Variants in RBM6 observed in about 807,000 individuals in gnomAD.
RBM6 encodes the protein RNA-binding protein 6.
Under a neutral mutation model 140.4 loss-of-function variants are expected in RBM6, and 23 were observed. The ratio of observed to expected loss-of-function variants is 0.16; its 90% CI spans 0.12 to 0.23. The LOEUF is 0.23. Ranked by LOEUF, RBM6 falls within the 10% of genes least tolerant of loss-of-function variation. RBM6 has a pLI of 1.00. For missense variants in RBM6, 1,139 were observed against 1,386.7 expected (o/e 0.82, Z 2.84); for synonymous variants, 439 against 475.6 (o/e 0.92, Z 1.00).
chr3:50,050,127 G>A (rs1158969032), intron 7 of RBM6, among the ~76,000 whole-genome samples: 1 of 151,880 alleles, frequency 6.6e-6, no homozygotes, highest in Non-Finnish European at 1.5e-5. Context: ...TTGGCCTCCC[G>A]AAGTTCTGGG....
chr3:49,958,799 T>TA (rs1370617426), intron 1 of RBM6, among the ~76,000 whole-genome samples: 1 of 148,824 alleles, frequency 6.7e-6, no homozygotes, highest in Non-Finnish European at 1.5e-5. Flanking sequence ...TTTTTTTTTT[T>TA]TTGTAAAAAT....
intron 3 of RBM6, among the ~76,000 whole-genome samples, chr3:49,971,133 A>G (rs6446189): frequency 0.52 from 78,699 of 151,510 alleles, 21,756 homozygotes; most frequent in African/African-American, 0.68. Flanking sequence ...GGGCGTAGTG[A>G]TGCATGTGTG....
intron 6 of RBM6, among the ~76,000 whole-genome samples, chr3:50,017,001 T>G (rs1160368372): frequency 6.6e-6 from 1 of 152,018 alleles, no homozygotes; most frequent in Non-Finnish European, 1.5e-5. Flanking sequence ...AACTTTTGTA[T>G]TTTTAGTAGA....
intron 18 of RBM6, 50 bp from the exon 19 acceptor site, chr3:50,070,405 C>G (rs775786686): frequency 1.5e-6 from 2 of 1,333,874 alleles, no homozygotes; most frequent in East Asian, 4.6e-5. Context: ...TCCCCACTCC[C>G]CAATTCCCTC....
At chr3:50,064,574 C>T (rs558132546) in intron 15 of RBM6, among the ~76,000 whole-genome samples, 6 of 152,154 alleles carry the variant, frequency 3.9e-5, no homozygotes, top group South Asian at 4.2e-4. Flanking sequence ...TGGAGTGGCA[C>T]GATCTCGGCT....
At chr3:50,042,356 G>T (rs894976836) in intron 6 of RBM6, among the ~76,000 whole-genome samples, 7 of 152,194 alleles carry the variant, frequency 4.6e-5, no homozygotes, top group Non-Finnish European at 1.0e-4. Flanking sequence ...AACTGAGCTT[G>T]CATTGAAGAT....
intron 5 of RBM6, among the ~76,000 whole-genome samples, chr3:49,993,445 C>A (rs191704375): frequency 2.0e-5 from 3 of 152,144 alleles, no homozygotes; most frequent in African/African-American, 7.2e-5. Context: ...AGTTTAAGAC[C>A]AGTCTGGCCA....
chr3:49,943,336 TC>T (rs1176552433), intron 1 of RBM6, among the ~76,000 whole-genome samples: 1 of 152,064 alleles, frequency 6.6e-6, no homozygotes, highest in Non-Finnish European at 1.5e-5. Context: ...AGGGTCTTGC[TC>T]TGTTGCCCAG....
intron 5 of RBM6, among the ~76,000 whole-genome samples, chr3:49,994,563 G>C (rs1193822560): frequency 6.6e-6 from 1 of 152,138 alleles, no homozygotes; most frequent in East Asian, 1.9e-4. Flanking sequence ...AGGACCTATA[G>C]AAGTTAAGAC....
At chr3:49,994,830 C>T (rs917518817) in intron 5 of RBM6, among the ~76,000 whole-genome samples, 6 of 152,072 alleles carry the variant, frequency 3.9e-5, no homozygotes, top group Non-Finnish European at 8.8e-5. Flanking sequence ...GATGTGTATT[C>T]TGGGCTTTTT....
intron 6 of RBM6, among the ~76,000 whole-genome samples, chr3:50,031,011 G>A (rs535289102): frequency 3.9e-4 from 59 of 152,176 alleles, no homozygotes; most frequent in Non-Finnish European, 7.1e-4. Flanking sequence ...AAACCACAAT[G>A]ATATAGGTGG....
chr3:49,983,351 G>C (rs1436998232), intron 5 of RBM6, among the ~76,000 whole-genome samples: 2 of 152,124 alleles, frequency 1.3e-5, no homozygotes, highest in African/African-American at 2.4e-5. Flanking sequence ...CAGTAGCCGA[G>C]TGTGGTGATG....
chr3:49,951,792 G>A (rs766278122), intron 1 of RBM6, among the ~76,000 whole-genome samples: 4 of 151,762 alleles, frequency 2.6e-5, no homozygotes, highest in Non-Finnish European at 4.4e-5. Context: ...GCACAAACTC[G>A]GCTCACTGCA....
chr3:49,956,242 T>C (rs935034246), intron 1 of RBM6, among the ~76,000 whole-genome samples: 2 of 151,202 alleles, frequency 1.3e-5, no homozygotes, highest in Non-Finnish European at 2.9e-5. Flanking sequence ...CAGGCTGGTC[T>C]CAAACTGGGT....
chr3:50,019,122 G>A (rs1258857372), intron 6 of RBM6, among the ~76,000 whole-genome samples: 1 of 151,428 alleles, frequency 6.6e-6, no homozygotes. Flanking sequence ...TGCAGCCTCC[G>A]CCTCCCAGGT....
At chr3:50,067,186 C>CAAAA (rs751552449) in intron 17 of RBM6, among the ~76,000 whole-genome samples, 1 of 19,554 alleles carries the variant, frequency 5.1e-5, no homozygotes, top group Non-Finnish European at 1.1e-4. Flanking sequence ...GACTCTATCT[C>CAAAA]AAAAAAAAAA....
At position 49,975,406 on chromosome 3, in the gene RBM6, C is replaced by T. The variant is rs1168253938; in HGVS notation, c.1483+14C>T. 6.3e-7 allele frequency: 1 copy of T among 1,597,640 alleles called. No homozygotes were observed. On this transcript the variant is annotated intron_variant, in intron 5 of 20. Coordinates refer to ENST00000266022, the MANE Select transcript of RBM6 (RefSeq NM_005777.3). ...AGTATAACACAGGTGAGTTTCTTGACTTGCATATGGCCTTGGGTTAGGAAG... is the reference window on the plus strand; with the variant it reads ...AGTATAACACAGGTGAGTTTCTTGATTTGCATATGGCCTTGGGTTAGGAAG...
chr3:50,013,801 T>C (rs2086977740), intron 6 of RBM6, among the ~76,000 whole-genome samples: 1 of 152,182 alleles, frequency 6.6e-6, no homozygotes, highest in African/African-American at 2.4e-5. Context: ...CTGAGTGGCC[T>C]TAATAATGTT....
intron 6 of RBM6, among the ~76,000 whole-genome samples, chr3:50,024,006 AT>A (rs1559599228): frequency 6.6e-6 from 1 of 152,222 alleles, no homozygotes; most frequent in African/African-American, 2.4e-5. Flanking sequence ...CAATGAAAGA[AT>A]CGTTTGTCGT....
Sources: allele counts gnomAD v4.1 joint callset (sites outside exome capture counted in the v4.1 genomes callset), GRCh38; gene constraint gnomAD v4.1.1; transcripts MANE v1.5; gene names NCBI Gene and HGNC (gene_info 2026-07-23, HGNC 2026-07-21).